The following ECE1 variants were observed in gnomAD, a reference collection of about 807,000 sequenced individuals.
The protein encoded by ECE1 is endothelin-converting enzyme 1.
Under a neutral mutation model 98.6 loss-of-function variants are expected in ECE1, and 35 were observed. That is an observed-to-expected ratio of 0.35 (90% CI 0.27 to 0.47). The LOEUF (loss-of-function observed/expected upper bound fraction) is 0.47, where lower values mean the gene tolerates loss of function less well. Ranked by LOEUF, ECE1 falls within the 20% of genes least tolerant of loss-of-function variation. ECE1 has a pLI of 1.00. For synonymous variants in ECE1, 394 were observed against 407.1 expected (o/e 0.97, Z 0.39); for missense variants, 814 against 1,025.3 (o/e 0.79, Z 2.81).
intron 1 of ECE1, among the ~76,000 whole-genome samples, chr1:21,334,690 C>T (rs1639273358): frequency 6.6e-6 from 1 of 152,122 alleles, no homozygotes; most frequent in African/African-American, 2.4e-5. Flanking sequence ...AGTGGAGGTT[C>T]AGACAGGTCT....
intron 11 of ECE1, 120 bp from the exon 12 acceptor site, chr1:21,236,964 G>C (rs1251257145): frequency 1.1e-6 from 1 of 952,222 alleles, no homozygotes; most frequent in African/African-American, 1.6e-5. Context: ...GCGTCAGGCT[G>C]GGTGAGAAGG....
At chr1:21,250,740 G>A (rs550307727) in intron 8 of ECE1, among the ~76,000 whole-genome samples, 16 of 152,326 alleles carry the variant, frequency 1.1e-4, no homozygotes, top group African/African-American at 3.6e-4. Flanking sequence ...GGGCGCGGTG[G>A]CTCACGCCTG....
At chr1:21,252,543 G>A (rs2098214146) in intron 8 of ECE1, among the ~76,000 whole-genome samples, 2 of 152,224 alleles carry the variant, frequency 1.3e-5, no homozygotes, top group Admixed American at 1.3e-4. Context: ...TGGGGCTCAG[G>A]CCCAAACAGC....
intron 3 of ECE1, among the ~76,000 whole-genome samples, chr1:21,275,855 G>C (rs539584957): frequency 6.1e-4 from 92 of 151,848 alleles, no homozygotes; most frequent in African/African-American, 2.2e-3. Context: ...TTCCCTCTCT[G>C]GGCCCCTCAG....
At chr1:21,250,915 G>A (rs1434621313) in intron 8 of ECE1, among the ~76,000 whole-genome samples, 4 of 152,214 alleles carry the variant, frequency 2.6e-5, no homozygotes, top group African/African-American at 9.6e-5. Flanking sequence ...GCTGAGGCAG[G>A]AGAATGGCAT....
intron 9 of ECE1, among the ~76,000 whole-genome samples, chr1:21,246,878 C>G (rs12743070): frequency 0.26 from 40,266 of 152,132 alleles, 6,585 homozygotes; most frequent in Non-Finnish European, 0.37. Flanking sequence ...AGGCTGGTCT[C>G]AAACGCAGGG....
intron 10 of ECE1, among the ~76,000 whole-genome samples, chr1:21,241,752 C>T (rs2098196691): frequency 6.6e-6 from 1 of 152,158 alleles, no homozygotes; most frequent in Non-Finnish European, 1.5e-5. Context: ...TCAGAAAGTC[C>T]GGCTCCAATG....
chr1:21,292,594 A>G (rs1176334262), upstream of ECE1, among the ~76,000 whole-genome samples: 1 of 152,150 alleles, frequency 6.6e-6, no homozygotes, highest in African/African-American at 2.4e-5. Flanking sequence ...CCCTCTCCAG[A>G]ATCCACAGCT....
At chr1:21,273,034 G>A (rs2098242201) in intron 3 of ECE1, 123 bp from the exon 4 acceptor site, 2 of 999,016 alleles carry the variant, frequency 2.0e-6, no homozygotes, top group African/African-American at 1.6e-5. Context: ...CACAGATTTG[G>A]AACTGGACGG....
At chr1:21,236,526 G>A (rs2098188352) in intron 12 of ECE1, among the ~76,000 whole-genome samples, 1 of 152,246 alleles carries the variant, frequency 6.6e-6, no homozygotes, top group Admixed American at 6.5e-5. Flanking sequence ...GCGCACGCCT[G>A]TAATCCCAGC....
chr1:21,275,225 A>G (rs60928511), intron 3 of ECE1, among the ~76,000 whole-genome samples: 187 of 152,286 alleles, frequency 1.2e-3, no homozygotes, highest in Middle Eastern at 6.8e-3. Context: ...AGACTGATTA[A>G]TTAACTGATA....
At chr1:21,298,582 A>G (rs1442631885) in intron 1 of ECE1, 1 of 373,200 alleles carries the variant, frequency 2.7e-6, no homozygotes, top group Non-Finnish European at 5.4e-6. Flanking sequence ...GAAGCAGCAC[A>G]TGGGAGGGAA....
At position 21,233,354 on chromosome 1, in the gene ECE1, A is replaced by C; in HGVS notation, c.1670+204T>G. 1.9e-6 allele frequency: 1 copy of C among 539,268 alleles called. No individual in the cohort carries two copies. Among genetic ancestry groups the C allele is most frequent in the South Asian group, 2.1e-5 (1 of 48,388 alleles). The allele number at this position is 539,268 out of a possible 1,614,324, so 33.4% of individuals were successfully genotyped here. A position where few individuals can be genotyped will look rare whatever the true frequency, so the allele number is the denominator to read the frequency against. On this transcript the variant is annotated intron_variant, in intron 14 of 18. Coordinates refer to ENST00000374893, the MANE Select transcript of ECE1 (RefSeq NM_001397.3). The surrounding 1 kb of genome is among the most constrained non-coding windows in gnomAD (Gnocchi z 4.0). ...CAACAGGCTGGGCAGGCTCAAGCCC[A>C]TCCCAGCTCCTAGCTGGGCCATACT...
chr1:21,278,692 G>A (rs574627557), intron 3 of ECE1, among the ~76,000 whole-genome samples: 6 of 152,172 alleles, frequency 3.9e-5, no homozygotes, highest in Non-Finnish European at 5.9e-5. Flanking sequence ...TATTTGGTCC[G>A]AGGAAATAAT....
At chr1:21,287,905 T>C (rs2098262379) in intron 2 of ECE1, among the ~76,000 whole-genome samples, 1 of 152,130 alleles carries the variant, frequency 6.6e-6, no homozygotes, top group Admixed American at 6.5e-5. Context: ...TTCCTTTTTA[T>C]ACTTGACTAT....
rs559081824 is a variant in ECE1 at position 21,319,941 on chromosome 1, C to G, written c.3+25435G>C. 2.1e-4 allele frequency among the ~76,000 whole-genome samples: 32 copies of G among 152,290 alleles called. No individual in the cohort carries two copies. The highest frequency in any genetic ancestry group is 1.8e-3 in the Admixed American group (28 of 15,292). ...TCTGTTTACACTCGGCAGCAGCGTC[C>G]CATCTTTTGACTTCCCTGGGCCACA... On this transcript the variant is annotated intron_variant, in intron 1 of 18. Coordinates refer to the ECE1 transcript ENST00000415912. This position sits in a 1 kb window ranked among gnomAD's most constrained non-coding sequence, Gnocchi z 4.4.
intron 1 of ECE1, among the ~76,000 whole-genome samples, chr1:21,310,481 G>A (rs531320316): frequency 6.6e-6 from 1 of 152,300 alleles, no homozygotes; most frequent in East Asian, 1.9e-4. Flanking sequence ...TGGTTAATCG[G>A]CTAAACTCAG....
In ECE1 at chr1:21,240,313, T is replaced by C. The variant is rs558426802; in HGVS notation, c.1279-2069A>G. On this transcript the variant is annotated intron_variant, in intron 10 of 18. Coordinates refer to ENST00000374893, the MANE Select transcript of ECE1 (RefSeq NM_001397.3). ...ACCACCCTGGCCAACACGGTGAAAC[T>C]CCATCTCTATTAAAAATACAAAAAT... Among the ~76,000 whole-genome samples, 211 of 151,882 alleles carry C rather than the reference T, an allele frequency of 1.4e-3. 1 individual carries two copies. Among genetic ancestry groups the C allele is most frequent in the Middle Eastern group, 6.8e-3 (2 of 294 alleles).
intron 8 of ECE1, among the ~76,000 whole-genome samples, chr1:21,251,150 A>G (rs1215542944): frequency 6.6e-6 from 1 of 152,182 alleles, no homozygotes; most frequent in Non-Finnish European, 1.5e-5. Context: ...GCTGGGGAAC[A>G]AGGACCTCAA....
Sources: allele counts gnomAD v4.1 joint callset (sites outside exome capture counted in the v4.1 genomes callset), GRCh38; gene constraint gnomAD v4.1.1; non-coding constraint Gnocchi (gnomAD v3.1); transcripts MANE v1.5; gene names NCBI Gene and HGNC (gene_info 2026-07-23, HGNC 2026-07-21).